The following OPCML variants were observed in gnomAD, a reference collection of about 807,000 sequenced individuals.
OPCML encodes the protein opioid binding protein/cell adhesion molecule like.
A neutral mutation model predicts 37.8 loss-of-function variants in OPCML; 13 were observed. The observed-to-expected ratio is 0.34, with a 90% CI of 0.22 to 0.55. The LOEUF (loss-of-function observed/expected upper bound fraction) is 0.55, where lower values mean the gene tolerates loss of function less well. Ranked by LOEUF, OPCML falls within the 20% of genes least tolerant of loss-of-function variation. The probability of loss-of-function intolerance (pLI) is 0.91; values close to 1 mark genes in which losing one functional copy is unlikely to be tolerated. For synonymous variants in OPCML, 176 were observed against 168.8 expected (o/e 1.04, Z -0.33); for missense variants, 341 against 435.6 (o/e 0.78, Z 1.93).
At chr11:132,974,546 T>C (rs1197377643) in intron 1 of OPCML, among the ~76,000 whole-genome samples, 2 of 152,206 alleles carry the variant, frequency 1.3e-5, no homozygotes, top group African/African-American at 4.8e-5. Flanking sequence ...GCTTTTACAC[T>C]GTTGGTGGGA....
At chr11:132,965,360 G>T (rs1227768190) in intron 1 of OPCML, among the ~76,000 whole-genome samples, 1 of 152,090 alleles carries the variant, frequency 6.6e-6, no homozygotes, top group Non-Finnish European at 1.5e-5. Context: ...AGGCTGTTTT[G>T]TGTCGGGGGG....
At chr11:133,419,759 T>C (rs555322252) in intron 1 of OPCML, among the ~76,000 whole-genome samples, 215 of 152,332 alleles carry the variant, frequency 1.4e-3, no homozygotes, top group Admixed American at 2.4e-3. Context: ...TTAATAATAA[T>C]AGAGATTAAA....
intron 1 of OPCML, among the ~76,000 whole-genome samples, chr11:133,343,887 T>C (rs958320779): frequency 1.3e-5 from 2 of 152,240 alleles, no homozygotes; most frequent in African/African-American, 4.8e-5. Context: ...ACAGTCATTA[T>C]TTTACTTTAA....
intron 2 of OPCML, among the ~76,000 whole-genome samples, chr11:132,712,204 C>T (rs1944292645): frequency 6.6e-6 from 1 of 152,090 alleles, no homozygotes; most frequent in Admixed American, 6.6e-5. Context: ...TTGGTAGAGG[C>T]GAATGAGAAG....
At chr11:133,196,227 T>G (rs926265147) in intron 1 of OPCML, among the ~76,000 whole-genome samples, 1 of 152,356 alleles carries the variant, frequency 6.6e-6, no homozygotes, top group African/African-American at 2.4e-5. Context: ...CTGGACTCCC[T>G]AAATCGATTC....
chr11:133,093,514 G>A (rs767249861), intron 1 of OPCML, among the ~76,000 whole-genome samples: 8 of 152,102 alleles, frequency 5.3e-5, no homozygotes, highest in African/African-American at 9.7e-5. Context: ...CACAAACGTA[G>A]GTAATTTATG....
At chr11:133,465,711 T>G (rs1023219701) in intron 1 of OPCML, among the ~76,000 whole-genome samples, 1 of 152,192 alleles carries the variant, frequency 6.6e-6, no homozygotes, top group African/African-American at 2.4e-5. Flanking sequence ...GTTCCTCCAC[T>G]CGTTAGCTGA....
chr11:133,182,721 T>A (rs1001227048), intron 1 of OPCML, among the ~76,000 whole-genome samples: 1 of 152,004 alleles, frequency 6.6e-6, no homozygotes, highest in African/African-American at 2.4e-5. Flanking sequence ...CAAAGTGAAA[T>A]GGGAAAGCAT....
At chr11:133,293,803 G>A (rs1408442614) in intron 1 of OPCML, among the ~76,000 whole-genome samples, 4 of 151,888 alleles carry the variant, frequency 2.6e-5, no homozygotes. Flanking sequence ...GCCCATTAGG[G>A]CTTGAAGACG....
rs368708463 is a variant in OPCML, at chr11:133,378,658, TTTTC to T, written c.61+153602_61+153605del. On this transcript the variant is annotated intron_variant, in intron 1 of 7. Coordinates refer to ENST00000524381, the MANE Select transcript of OPCML (RefSeq NM_001012393.5). ...TTTTTGCTGCATGCGAATTTCTTTC[TTTTC>T]TTTCTTTCTTTTCTTTTCTTTCTTT... Among the ~76,000 whole-genome samples the T allele has an allele frequency of 4.9e-4, 74 of 151,478 alleles. 2 individuals are homozygous for T. The South Asian group carries it at 8.7e-3, about 18-fold the overall frequency.
rs1396802706 is a variant in OPCML, at chr11:133,177,838, C to T, written c.62-234828G>A. ...CAAATTAAACATTCAAGATCACTTACTGCAGACTTTCATTTACTTCATGAG... is the reference window on the plus strand; with the variant it reads ...CAAATTAAACATTCAAGATCACTTATTGCAGACTTTCATTTACTTCATGAG... On this transcript the variant is annotated intron_variant, in intron 1 of 7. Coordinates refer to ENST00000524381, the MANE Select transcript of OPCML (RefSeq NM_001012393.5). The surrounding 1 kb of genome is among the most constrained non-coding windows in gnomAD (Gnocchi z 5.0). Among the ~76,000 whole-genome samples, 1 of 152,194 alleles carries T rather than the reference C, an allele frequency of 6.6e-6. No homozygotes were observed. Among genetic ancestry groups the T allele is most frequent in the Admixed American group, 6.5e-5 (1 of 15,280 alleles).
chr11:133,505,383 C>T (rs1948003768), intron 1 of OPCML, among the ~76,000 whole-genome samples: 1 of 152,166 alleles, frequency 6.6e-6, no homozygotes, highest in Non-Finnish European at 1.5e-5. Flanking sequence ...GGGAGAAAGC[C>T]CAGGGGGAAC....
chr11:133,043,540 C>T (rs193297967), intron 1 of OPCML, among the ~76,000 whole-genome samples: 99 of 152,316 alleles, frequency 6.5e-4, no homozygotes, highest in Middle Eastern at 3.4e-3. Flanking sequence ...TCCAGCCTCA[C>T]TGTGATATTG....
chr11:133,525,479 G>C (rs117425731), intron 1 of OPCML, among the ~76,000 whole-genome samples: 1 of 152,118 alleles, frequency 6.6e-6, no homozygotes, highest in Non-Finnish European at 1.5e-5. Flanking sequence ...GAAGTGTTTC[G>C]AAGTCTATTC....
intron 1 of OPCML, among the ~76,000 whole-genome samples, chr11:133,348,222 T>A (rs1404457864): frequency 2.0e-5 from 3 of 152,170 alleles, no homozygotes; most frequent in African/African-American, 7.2e-5. Flanking sequence ...ATGAATAAGA[T>A]CCACTGCAAA....
chr11:132,950,320 G>A lies in OPCML; in HGVS notation c.62-7310C>T, dbSNP rs567641317. On this transcript the variant is annotated intron_variant, in intron 1 of 7. Coordinates refer to ENST00000524381, the MANE Select transcript of OPCML (RefSeq NM_001012393.5). ...AAGACAGAGAATGATGGAGAGGTGA[G>A]GGGTGCATTCCTGAAGAATAGTAGT... Among the ~76,000 whole-genome samples, 21 of 152,280 alleles carry A rather than the reference G, an allele frequency of 1.4e-4. No individual in the cohort carries two copies. The South Asian group carries it at 3.9e-3, about 29-fold the overall frequency.
At chr11:132,595,856 G>A (rs1312351831) in intron 3 of OPCML, among the ~76,000 whole-genome samples, 1 of 152,218 alleles carries the variant, frequency 6.6e-6, no homozygotes, top group East Asian at 1.9e-4. Flanking sequence ...GAAGTGACAA[G>A]GGTTGGATCA....
At chr11:132,488,231 T>C (rs972540021) in intron 4 of OPCML, among the ~76,000 whole-genome samples, 6 of 152,214 alleles carry the variant, frequency 3.9e-5, no homozygotes, top group Non-Finnish European at 4.4e-5. Flanking sequence ...TCCTGCCCTA[T>C]AGACAAAGTA....
At chr11:132,595,669 C>T (rs1424581660) in intron 3 of OPCML, among the ~76,000 whole-genome samples, 1 of 152,154 alleles carries the variant, frequency 6.6e-6, no homozygotes, top group East Asian at 1.9e-4. Context: ...GCATCCAGAA[C>T]AAAATAGCAA....
Sources: allele counts gnomAD v4.1 joint callset (sites outside exome capture counted in the v4.1 genomes callset), GRCh38; gene constraint gnomAD v4.1.1; non-coding constraint Gnocchi (gnomAD v3.1); transcripts MANE v1.5; gene names NCBI Gene and HGNC (gene_info 2026-07-23, HGNC 2026-07-21).